Variants in HAUS1 observed in about 807,000 individuals in gnomAD.
HAUS1 encodes HAUS augmin like complex subunit 1.
A neutral mutation model predicts 38.6 loss-of-function variants in HAUS1; 25 were observed. The observed-to-expected ratio is 0.65, with a 90% confidence interval of 0.47 to 0.91. HAUS1 has a LOEUF of 0.91. Ranked by LOEUF, HAUS1 falls within the 40% of genes least tolerant of loss-of-function variation. HAUS1 has a pLI of 0.00. For missense variants in HAUS1, 325 were observed against 328.4 expected (o/e 0.99, Z 0.08); for synonymous variants, 109 against 112.9 (o/e 0.97, Z 0.22).
chr18:46,112,227 C>CAT (rs1317359161), intron 2 of HAUS1, among the ~76,000 whole-genome samples: 4 of 140,022 alleles, frequency 2.9e-5, no homozygotes, highest in South Asian at 2.2e-4. Flanking sequence ...CTTTGGCTTC[C>CAT]ATATATATAT....
At chr18:46,117,053 A>G (rs895909601) in intron 2 of HAUS1, among the ~76,000 whole-genome samples, 2 of 152,204 alleles carry the variant, frequency 1.3e-5, no homozygotes, top group African/African-American at 4.8e-5. Flanking sequence ...GTTGGAGAAG[A>G]TGTGGAAAAT....
intron 6 of HAUS1, among the ~76,000 whole-genome samples, chr18:46,124,371 C>T (rs753531696): frequency 8.5e-5 from 12 of 141,910 alleles, no homozygotes; most frequent in Non-Finnish European, 1.2e-4. Flanking sequence ...GGGCCGAGAT[C>T]GTGCCACTGC....
In HAUS1 at chr18:46,128,149, T is replaced by G; in HGVS notation, c.*24T>G. 3 of 1,513,536 alleles carry G rather than the reference T, an allele frequency of 2.0e-6. No homozygotes were observed. Among genetic ancestry groups the G allele is most frequent in the Non-Finnish European group, 2.7e-6 (3 of 1,112,476 alleles). 93.8% of individuals were successfully genotyped at this position (1,513,536 alleles called of 1,614,324 possible). A position where few individuals can be genotyped will look rare whatever the true frequency, so the allele number is the denominator to read the frequency against. ...GACAAAAGCCAAATAAACATCCTTT[T>G]CCCTAACAAAGTAAATTGAATAGGA... On this transcript the variant is annotated 3_prime_UTR_variant, in exon 9 of 9. Coordinates refer to ENST00000282058, the MANE Select transcript of HAUS1 (RefSeq NM_138443.4).
intron 2 of HAUS1, chr18:46,106,939 C>T (rs865849586): frequency 6.6e-5 from 10 of 152,062 alleles, no homozygotes; most frequent in Middle Eastern, 6.8e-3. Flanking sequence ...TTCTTGAACC[C>T]GGGAGGTGGA....
intron 7 of HAUS1, among the ~76,000 whole-genome samples, chr18:46,125,239 A>C (rs1180749805): frequency 4.0e-5 from 6 of 151,748 alleles, no homozygotes; most frequent in Non-Finnish European, 8.8e-5. Flanking sequence ...CAGCCTGCTC[A>C]ACAGAGCAAG....
chr18:46,105,501 C>G (rs1911439211), intron 2 of HAUS1, 133 bp downstream of exon 2: 1 of 677,502 alleles, frequency 1.5e-6, no homozygotes, highest in African/African-American at 1.8e-5. Context: ...TTCTTCCACT[C>G]TGTTATAGTA....
chr18:46,105,397 GAATA>G (rs1568260755), intron 2 of HAUS1, 29 bp downstream of exon 2: 1 of 1,586,094 alleles, frequency 6.3e-7, no homozygotes, highest in South Asian at 1.1e-5. Flanking sequence ...TTTTGAACGA[GAATA>G]AATAGAGGTA....
chr18:46,111,033 T>C (rs942776928), intron 2 of HAUS1, among the ~76,000 whole-genome samples: 1 of 151,468 alleles, frequency 6.6e-6, no homozygotes, highest in African/African-American at 2.4e-5. Flanking sequence ...TGGGCCACCA[T>C]GCCTGGCTAA....
chr18:46,119,842 GGC>G, intron 3 of HAUS1, 82 bp from the exon 4 acceptor site: 1 of 1,195,706 alleles, frequency 8.4e-7, no homozygotes, highest in Non-Finnish European at 1.1e-6. Flanking sequence ...AAATCTACAG[GGC>G]AATAAAGTCA....
At chr18:46,122,264 A>G (rs1905323100) in intron 4 of HAUS1, among the ~76,000 whole-genome samples, 1 of 150,944 alleles carries the variant, frequency 6.6e-6, no homozygotes. Flanking sequence ...TGATCACACC[A>G]CTGCATTCAA....
rs983064460 is a variant in HAUS1 at position 46,105,847 on chromosome 18, G to A, written c.205+479G>A. ...CCGCCTGCCTCAGCCTCCCAAAGTGGTAGGATTAGAGGCATGAGCCACCCT... is the reference window on the plus strand; with the variant it reads ...CCGCCTGCCTCAGCCTCCCAAAGTGATAGGATTAGAGGCATGAGCCACCCT... On this transcript the variant is annotated intron_variant, in intron 2 of 8. Transcript: ENST00000282058. Among the ~76,000 whole-genome samples, 57 of 152,038 alleles carry A rather than the reference G, an allele frequency of 3.7e-4. 1 individual carries two copies. Among genetic ancestry groups the A allele is most frequent in the Non-Finnish European group, 7.6e-4 (52 of 67,998 alleles).
intron 2 of HAUS1, among the ~76,000 whole-genome samples, chr18:46,107,446 A>C (rs1218827144): frequency 6.6e-6 from 1 of 152,194 alleles, no homozygotes; most frequent in Non-Finnish European, 1.5e-5. Flanking sequence ...GTTCTAACTA[A>C]TGTATGCAAA....
At chr18:46,116,404 T>C (rs1911799066) in intron 2 of HAUS1, among the ~76,000 whole-genome samples, 1 of 149,728 alleles carries the variant, frequency 6.7e-6, no homozygotes, top group African/African-American at 2.5e-5. Flanking sequence ...TCTAAAAAAT[T>C]ACCAAAATTA....
At chr18:46,105,081 C>A in intron 1 of HAUS1, 113 bp from the exon 2 acceptor site, 1 of 691,064 alleles carries the variant, frequency 1.4e-6, no homozygotes, top group Non-Finnish European at 2.3e-6. Flanking sequence ...AGTAGGACTC[C>A]AAAATAGTCA....
intron 8 of HAUS1, 121 bp from the exon 9 acceptor site, chr18:46,127,954 T>C: frequency 2.0e-6 from 1 of 510,634 alleles, no homozygotes; most frequent in Non-Finnish European, 3.5e-6. Flanking sequence ...TTCATAATGG[T>C]ATTTTTAAAA....
chr18:46,122,560 G>A lies in HAUS1; in HGVS notation c.570G>A (p.Glu190=), dbSNP rs1911973174. ...QNMDFLKAKS[E]EFRFGIKAAE... is the part of the protein sequence containing the mutation. Reference sequence around the variant, plus strand: ...TGGACTTTCTAAAAGCAAAGTCAGAGGAATTCAGATTTGGAATCAAGGCTG... The same window carrying A: ...TGGACTTTCTAAAAGCAAAGTCAGAAGAATTCAGATTTGGAATCAAGGCTG... The change falls in exon 5 of 9, where the codon GAG becomes GAA. Residue 190 remains glutamate (E), a synonymous_variant. Transcript: ENST00000282058. 7.4e-6 allele frequency: 12 copies of A among 1,614,106 alleles called. No individual in the cohort carries two copies. Among genetic ancestry groups the A allele is most frequent in the Non-Finnish European group, 8.5e-6 (10 of 1,179,998 alleles).
chr18:46,122,633 A>G, intron 5 of HAUS1, 43 bp downstream of exon 5: 1 of 1,605,398 alleles, frequency 6.2e-7, no homozygotes, highest in Non-Finnish European at 8.5e-7. Flanking sequence ...CTTCGGCCTG[A>G]TTTTTTACCA....
chr18:46,110,343 T>TTTGTG (rs1568262610), intron 2 of HAUS1, among the ~76,000 whole-genome samples: 1 of 129,018 alleles, frequency 7.8e-6, no homozygotes, highest in African/African-American at 2.9e-5. Flanking sequence ...GTTTTTTTTT[T>TTTGTG]TTTTTTTTTT....
intron 2 of HAUS1, among the ~76,000 whole-genome samples, chr18:46,107,527 C>T (rs72903451): frequency 0.067 from 10,267 of 152,208 alleles, 458 homozygotes; most frequent in African/African-American, 0.13. Context: ...TAGCTCTATG[C>T]ATCATTACTT....
Sources: gnomAD v4.1 joint callset for allele counts (sites outside exome capture counted in the v4.1 genomes callset) on GRCh38, gnomAD v4.1.1 for gene constraint, MANE v1.5 for transcripts, NCBI Gene and HGNC (gene_info 2026-07-23, HGNC 2026-07-21) for gene names.